The following CDYL2 variants were observed in gnomAD, a reference collection of about 807,000 sequenced individuals.
CDYL2 encodes the protein chromodomain Y-like protein 2.
In CDYL2, 23 loss-of-function variants were observed where a neutral mutation model predicts 49.4. The ratio of observed to expected loss-of-function variants is 0.47; its 90% CI spans 0.34 to 0.66. The LOEUF (loss-of-function observed/expected upper bound fraction) is 0.66. CDYL2 is among the 30% of genes least tolerant of loss of function. CDYL2 has a pLI of 0.01. For synonymous variants in CDYL2, 360 were observed against 268.8 expected (o/e 1.34, Z -3.32); for missense variants, 678 against 656.4 (o/e 1.03, Z -0.36).
At chr16:80,707,005 T>C (rs1278785780) in intron 1 of CDYL2, among the ~76,000 whole-genome samples, 1 of 152,186 alleles carries the variant, frequency 6.6e-6, no homozygotes, top group Non-Finnish European at 1.5e-5. Context: ...GCCGTACAGA[T>C]TGATGAAGGC....
At chr16:80,781,947 G>GA (rs1039942063) in intron 1 of CDYL2, among the ~76,000 whole-genome samples, 16 of 146,236 alleles carry the variant, frequency 1.1e-4, no homozygotes, top group East Asian at 2.0e-4. Context: ...CATTAAAAAA[G>GA]AAAAAAAAAG....
intron 2 of CDYL2, among the ~76,000 whole-genome samples, chr16:80,679,403 T>C (rs886064341): frequency 6.6e-6 from 1 of 152,162 alleles, no homozygotes; most frequent in Admixed American, 6.5e-5. Context: ...GAAATTCTAC[T>C]GCCTGGAATC....
chr16:80,688,502 T>G (rs1032948814), intron 1 of CDYL2, among the ~76,000 whole-genome samples: 12 of 152,134 alleles, frequency 7.9e-5, no homozygotes, highest in Middle Eastern at 3.4e-3. Context: ...TGAACTTCAG[T>G]TGACAAAACT....
At chr16:80,800,473 T>C (rs958519640) in intron 1 of CDYL2, among the ~76,000 whole-genome samples, 1 of 152,146 alleles carries the variant, frequency 6.6e-6, no homozygotes, top group Non-Finnish European at 1.5e-5. Flanking sequence ...TTATTCTTAG[T>C]GGTGCGTGAT....
intron 1 of CDYL2, among the ~76,000 whole-genome samples, chr16:80,728,393 GA>G (rs1214890453): frequency 1.5e-4 from 23 of 152,068 alleles, no homozygotes; most frequent in Non-Finnish European, 2.9e-4. Flanking sequence ...GGGAAGTTTA[GA>G]GAAAAAAGAA....
At chr16:80,659,945 T>C (rs562853578) in intron 2 of CDYL2, among the ~76,000 whole-genome samples, 1 of 150,942 alleles carries the variant, frequency 6.6e-6, no homozygotes, top group Admixed American at 6.6e-5. Flanking sequence ...GGGTAAAGAG[T>C]TCTTAAAAAA....
chr16:80,649,248 C>T (rs1193250285), intron 2 of CDYL2, among the ~76,000 whole-genome samples: 2 of 152,036 alleles, frequency 1.3e-5, no homozygotes, highest in Non-Finnish European at 2.9e-5. Context: ...ACTAAGGACT[C>T]CACACCAAAC....
At chr16:80,802,044 C>T (rs1307262895) in intron 1 of CDYL2, among the ~76,000 whole-genome samples, 1 of 151,238 alleles carries the variant, frequency 6.6e-6, no homozygotes, top group Non-Finnish European at 1.5e-5. Context: ...TCCTCCTTAA[C>T]TGAAATTCTA....
intron 1 of CDYL2, among the ~76,000 whole-genome samples, chr16:80,695,096 T>C (rs770051466): frequency 7.2e-5 from 11 of 152,260 alleles, no homozygotes; most frequent in Non-Finnish European, 2.9e-5. Context: ...AGTTAGCCAA[T>C]TATGGCCTGC....
At chr16:80,712,719 G>A (rs2142514233) in intron 1 of CDYL2, among the ~76,000 whole-genome samples, 1 of 152,270 alleles carries the variant, frequency 6.6e-6, no homozygotes, top group South Asian at 2.1e-4. Context: ...ACAGCTCTGG[G>A]ATGAATGGGA....
At chr16:80,789,657 C>T (rs1597134824) in intron 1 of CDYL2, among the ~76,000 whole-genome samples, 1 of 151,750 alleles carries the variant, frequency 6.6e-6, no homozygotes, top group East Asian at 1.9e-4. Context: ...AGAGCAAAGT[C>T]ATGAAACCAA....
At chr16:80,606,276 T>A (rs1656870843) in intron 6 of CDYL2, among the ~76,000 whole-genome samples, 1 of 152,236 alleles carries the variant, frequency 6.6e-6, no homozygotes, top group African/African-American at 2.4e-5. Context: ...GTAGTTCCTT[T>A]CTTGGGAAAC....
intron 2 of CDYL2, among the ~76,000 whole-genome samples, chr16:80,664,324 C>G (rs957556518): frequency 9.9e-5 from 15 of 152,208 alleles, no homozygotes; most frequent in African/African-American, 3.4e-4. Flanking sequence ...CACCTTCACA[C>G]ATCTAATCCT....
At chr16:80,708,839 G>T (rs1230068453) in intron 1 of CDYL2, among the ~76,000 whole-genome samples, 1 of 152,086 alleles carries the variant, frequency 6.6e-6, no homozygotes, top group Non-Finnish European at 1.5e-5. Context: ...AGATAGAGCA[G>T]ACAGGAATCT....
intron 1 of CDYL2, among the ~76,000 whole-genome samples, chr16:80,771,332 A>C (rs368213582): frequency 6.6e-6 from 1 of 152,246 alleles, no homozygotes; most frequent in African/African-American, 2.4e-5. Flanking sequence ...CCAGATGTTG[A>C]AATGTCAAAC....
chr16:80,705,878 C>G (rs1904387420), intron 1 of CDYL2, among the ~76,000 whole-genome samples: 1 of 152,258 alleles, frequency 6.6e-6, no homozygotes, highest in South Asian at 2.1e-4. Flanking sequence ...TTCTCCATTC[C>G]ATAGTTTATC....
intron 1 of CDYL2, among the ~76,000 whole-genome samples, chr16:80,744,514 G>A (rs1905858380): frequency 1.3e-5 from 2 of 152,184 alleles, no homozygotes; most frequent in Admixed American, 6.5e-5. Context: ...TAGCATGTAG[G>A]AGCACCCTAT....
At chr16:80,670,959 G>T in intron 2 of CDYL2, 1 of 455,992 alleles carries the variant, frequency 2.2e-6, no homozygotes, top group East Asian at 7.0e-5. Flanking sequence ...GGAATAACAT[G>T]AATATCTAAA....
intron 4 of CDYL2, among the ~76,000 whole-genome samples, chr16:80,620,422 A>G (rs1316737727): frequency 1.3e-5 from 2 of 152,214 alleles, no homozygotes. Flanking sequence ...AGTAGTGTGG[A>G]CAACACATGG....
Sources: allele counts gnomAD v4.1 joint callset (sites outside exome capture counted in the v4.1 genomes callset), GRCh38; gene constraint gnomAD v4.1.1; transcripts MANE v1.5; gene names NCBI Gene and HGNC (gene_info 2026-07-23, HGNC 2026-07-21).